DLGAP1: variants seen among roughly 807,000 people sequenced by gnomAD.
The protein encoded by DLGAP1 is DLG associated protein 1, also known as disks large-associated protein 1.
DLGAP1 carries 11 observed loss-of-function variants against 90.8 expected under a neutral mutation model. The observed-to-expected ratio is 0.12, with a 90% CI of 0.08 to 0.20. The LOEUF is 0.20. Ranked by LOEUF, DLGAP1 falls within the 10% of genes least tolerant of loss-of-function variation. The pLI, the probability that DLGAP1 is intolerant of heterozygous loss-of-function variation, is 1.00. For missense variants in DLGAP1, 1,050 were observed against 1,333.8 expected, an observed-to-expected ratio of 0.79 and a Z score of 3.31; for synonymous variants, 558 against 540.7, an observed-to-expected ratio of 1.03 and a Z score of -0.44.
chr18:4,073,319 A>G (rs1023625372), intron 2 of DLGAP1, among the ~76,000 whole-genome samples: 1 of 152,176 alleles, frequency 6.6e-6, no homozygotes, highest in Non-Finnish European at 1.5e-5. Context: ...TAAGGTAAAA[A>G]TCTACGCAAG....
chr18:3,784,209 ATTGT>A (rs1343571600), intron 5 of DLGAP1, among the ~76,000 whole-genome samples: 1 of 152,082 alleles, frequency 6.6e-6, no homozygotes, highest in East Asian at 1.9e-4. Flanking sequence ...CCCCCAAGCC[ATTGT>A]TTGTTCCTGT....
intron 7 of DLGAP1, among the ~76,000 whole-genome samples, chr18:3,641,039 C>G (rs2058917069): frequency 6.6e-6 from 1 of 152,162 alleles, no homozygotes; most frequent in Non-Finnish European, 1.5e-5. Flanking sequence ...TTCTTAACAA[C>G]TACACTGTAC....
chr18:4,334,225 T>C (rs1246267306), intron 1 of DLGAP1, among the ~76,000 whole-genome samples: 2 of 151,488 alleles, frequency 1.3e-5, no homozygotes, highest in Non-Finnish European at 2.9e-5. Flanking sequence ...GCAACAAGAT[T>C]GAAACTCCAT....
intron 1 of DLGAP1, among the ~76,000 whole-genome samples, chr18:4,451,857 A>C (rs2083841622): frequency 6.6e-6 from 1 of 152,174 alleles, no homozygotes; most frequent in African/African-American, 2.4e-5. Context: ...AAATAAAAAA[A>C]ATGTACAAAA....
intron 3 of DLGAP1, among the ~76,000 whole-genome samples, chr18:3,954,016 C>T (rs2073038288): frequency 6.6e-6 from 1 of 152,142 alleles, no homozygotes; most frequent in African/African-American, 2.4e-5. Context: ...TCACTTCTAA[C>T]ATTACTGTTA....
chr18:3,822,095 G>T (rs2148490251), intron 4 of DLGAP1: 2 of 663,864 alleles, frequency 3.0e-6, no homozygotes, highest in East Asian at 1.4e-4. Context: ...AGGCATGATT[G>T]TTGCTTCCCA....
At chr18:4,126,170 T>C (rs2076230481) in intron 2 of DLGAP1, among the ~76,000 whole-genome samples, 1 of 152,050 alleles carries the variant, frequency 6.6e-6, no homozygotes, top group Admixed American at 6.6e-5. Context: ...CTCTCATGGG[T>C]AGGGGTAGGG....
Position 4,455,167 on chromosome 18 carries a change from C to T in DLGAP1, c.-428G>A, listed in dbSNP as rs575366616. ...CCGAGGCGGCGGCGGCCGTTCGCGC[C>T]GCCTATGCTGCCGATTCCCCGAGGC... On this transcript the variant is annotated 5_prime_UTR_variant, in exon 1 of 13. Coordinates refer to ENST00000315677, the MANE Select transcript of DLGAP1 (RefSeq NM_004746.4). 6.7e-4 allele frequency: 102 copies of T among 151,556 alleles called. No homozygotes were observed. Among genetic ancestry groups the T allele is most frequent in the African/African-American group, 2.4e-3 (99 of 41,452 alleles). 9.4% of individuals were successfully genotyped at this position (151,556 alleles called of 1,614,324 possible).
At chr18:3,794,982 T>C (rs1480542200) in intron 5 of DLGAP1, among the ~76,000 whole-genome samples, 1 of 152,216 alleles carries the variant, frequency 6.6e-6, no homozygotes, top group African/African-American at 2.4e-5. Context: ...CTGAAGAATA[T>C]GGAATATCTT....
intron 1 of DLGAP1, among the ~76,000 whole-genome samples, chr18:4,227,609 T>C (rs1329698332): frequency 6.6e-6 from 1 of 151,478 alleles, no homozygotes; most frequent in African/African-American, 2.4e-5. Context: ...AGTAAGTGGG[T>C]GAAAAAATTA....
chr18:3,822,045 A>C (rs771489744), intron 4 of DLGAP1: 173 of 882,810 alleles, frequency 2.0e-4, no homozygotes, highest in Non-Finnish European at 2.3e-4. Context: ...AAAAAAGAGC[A>C]AGAATAGGAA....
At position 3,821,946 on chromosome 18, in the gene DLGAP1, A is replaced by G. The variant is rs2067442228; in HGVS notation, c.958-7673T>C. On this transcript the variant is annotated intron_variant, in intron 4 of 12. Transcript: ENST00000315677. ...GGAGAACTGCTTTTCTGCTCCACAC[A>G]GCTTTCACCTTGACAAATGCGACTT... 4.1e-6 allele frequency: 4 copies of G among 984,952 alleles called. No individual in the cohort carries two copies. In the African/African-American group the frequency reaches 7.0e-5, roughly 17 times the overall value. 61.0% of individuals were successfully genotyped at this position (984,952 alleles called of 1,614,324 possible). A position where few individuals can be genotyped will look rare whatever the true frequency, so the allele number is the denominator to read the frequency against.
chr18:3,909,859 C>G (rs2071994016), intron 3 of DLGAP1, among the ~76,000 whole-genome samples: 1 of 151,954 alleles, frequency 6.6e-6, no homozygotes, highest in Non-Finnish European at 1.5e-5. Context: ...TTTTCTCTTG[C>G]CTAGATAATA....
At chr18:4,088,007 C>G (rs1462616048) in intron 2 of DLGAP1, among the ~76,000 whole-genome samples, 1 of 94,282 alleles carries the variant, frequency 1.1e-5, no homozygotes, top group African/African-American at 3.9e-5. Context: ...CCCTCTTTTT[C>G]TGTTTTTTTA....
At chr18:4,401,416 A>G (rs1003120622) in intron 1 of DLGAP1, among the ~76,000 whole-genome samples, 1 of 152,234 alleles carries the variant, frequency 6.6e-6, no homozygotes, top group Non-Finnish European at 1.5e-5. Context: ...ATCCAGAACA[A>G]AAGTACCAGG....
intron 2 of DLGAP1, among the ~76,000 whole-genome samples, chr18:4,037,732 G>C (rs571951623): frequency 4.1e-4 from 62 of 152,250 alleles, no homozygotes; most frequent in Middle Eastern, 3.4e-3. Flanking sequence ...GGCCAGAGTG[G>C]GTGGATCACC....
At chr18:3,523,650 A>T (rs1040447735) in intron 10 of DLGAP1, among the ~76,000 whole-genome samples, 1 of 152,020 alleles carries the variant, frequency 6.6e-6, no homozygotes, top group Non-Finnish European at 1.5e-5. Context: ...GATCGAGACC[A>T]TCCTGGCTAA....
chr18:3,716,836 A>G (rs557611382), intron 7 of DLGAP1, among the ~76,000 whole-genome samples: 144 of 152,102 alleles, frequency 9.5e-4, no homozygotes, highest in African/African-American at 3.3e-3. Flanking sequence ...AAACTTTTTT[A>G]AAACATTTGT....
chr18:4,401,600 G>A (rs1406007018), intron 1 of DLGAP1, among the ~76,000 whole-genome samples: 4 of 152,066 alleles, frequency 2.6e-5, no homozygotes, highest in African/African-American at 4.8e-5. Context: ...GCATAATCCC[G>A]TTGATCATAG....
Sources: allele counts gnomAD v4.1 joint callset (sites outside exome capture counted in the v4.1 genomes callset), GRCh38; gene constraint gnomAD v4.1.1; transcripts MANE v1.5; gene names NCBI Gene and HGNC (gene_info 2026-07-23, HGNC 2026-07-21).